Variants in FBXO32 observed in about 807,000 individuals in gnomAD.
The protein encoded by FBXO32 is F-box only protein 32.
In FBXO32, 15 loss-of-function variants were observed where a neutral mutation model predicts 48.3. That is an observed-to-expected ratio of 0.31 (90% confidence interval 0.21 to 0.48). The LOEUF (loss-of-function observed/expected upper bound fraction) is 0.48, where lower values mean the gene tolerates loss of function less well. Ranked by LOEUF, FBXO32 falls within the 20% of genes least tolerant of loss-of-function variation. The probability of loss-of-function intolerance (pLI) is 0.99; values close to 1 mark genes in which losing one functional copy is unlikely to be tolerated. For synonymous variants in FBXO32, 154 were observed against 165.9 expected (o/e 0.93, Z 0.55); for missense variants, 309 against 432.7 (o/e 0.71, Z 2.54).
intron 1 of FBXO32, among the ~76,000 whole-genome samples, chr8:123,536,457 G>T (rs891067391): frequency 1.3e-5 from 2 of 152,066 alleles, no homozygotes; most frequent in Non-Finnish European, 2.9e-5. Context: ...AGGAAAAGAG[G>T]GACAGAACAA....
At chr8:123,529,850 A>G (rs1817162479) in intron 4 of FBXO32, among the ~76,000 whole-genome samples, 1 of 152,212 alleles carries the variant, frequency 6.6e-6, no homozygotes, top group Non-Finnish European at 1.5e-5. Flanking sequence ...TTTCTTGTAA[A>G]AGGAAAAGCA....
intron 6 of FBXO32, among the ~76,000 whole-genome samples, chr8:123,509,095 C>T (rs1235600328): frequency 6.6e-6 from 1 of 152,128 alleles, no homozygotes; most frequent in Non-Finnish European, 1.5e-5. Flanking sequence ...TTCCCCAAGA[C>T]CCAGTTCTCT....
At chr8:123,518,157 AG>A (rs1252098920) in intron 4 of FBXO32, among the ~76,000 whole-genome samples, 1 of 152,212 alleles carries the variant, frequency 6.6e-6, no homozygotes, top group African/African-American at 2.4e-5. Flanking sequence ...TTTAAGAGTG[AG>A]GGCTCCAGAG....
intron 4 of FBXO32, among the ~76,000 whole-genome samples, chr8:123,522,363 C>T (rs1339176032): frequency 6.6e-6 from 1 of 151,968 alleles, no homozygotes; most frequent in Non-Finnish European, 1.5e-5. Flanking sequence ...TGCCTGCCAC[C>T]ATGTCCGGCT....
intron 1 of FBXO32, among the ~76,000 whole-genome samples, chr8:123,535,476 G>A (rs1359098043): frequency 6.6e-6 from 1 of 152,192 alleles, no homozygotes; most frequent in Non-Finnish European, 1.5e-5. Flanking sequence ...GCATCATGCT[G>A]TGAGGTGAAG....
At chr8:123,530,646 C>CG in intron 4 of FBXO32, among the ~76,000 whole-genome samples, 1 of 152,208 alleles carries the variant, frequency 6.6e-6, no homozygotes, top group Non-Finnish European at 1.5e-5. Context: ...GACAGAGTCT[C>CG]GCACTGTCGC....
chr8:123,501,926 A>G lies in FBXO32; in HGVS notation c.*1447T>C, dbSNP rs887994182. The G allele has an allele frequency of 6.6e-6, 1 of 152,094 alleles. No individual in the cohort carries two copies. The highest frequency in any genetic ancestry group is 1.5e-5 in the Non-Finnish European group (1 of 68,010). The allele number at this position is 152,094 out of a possible 1,614,324, so 9.4% of individuals were successfully genotyped here. A position where few individuals can be genotyped will look rare whatever the true frequency, so the allele number is the denominator to read the frequency against. On this transcript the variant is annotated 3_prime_UTR_variant, in exon 9 of 9. Coordinates refer to ENST00000517956, the MANE Select transcript of FBXO32 (RefSeq NM_058229.4). ...ATTCTGTAAAAAGTAAAAAACTGGG[A>G]GTAGATCCCCCATCTATTCCCAGGA... is the stretch of plus-strand genomic sequence containing the variant.
Position 123,513,046 on chromosome 8 carries a change from C to T in FBXO32, c.651+152G>A. 1.2e-6 allele frequency: 1 copy of T among 821,098 alleles called. No individual in the cohort carries two copies. The highest frequency in any genetic ancestry group is 1.8e-6 in the Non-Finnish European group (1 of 540,706). 50.9% of individuals were successfully genotyped at this position (821,098 alleles called of 1,614,324 possible). A position where few individuals can be genotyped will look rare whatever the true frequency, so the allele number is the denominator to read the frequency against. On this transcript the variant is annotated intron_variant, in intron 6 of 8. Coordinates refer to ENST00000517956, the MANE Select transcript of FBXO32 (RefSeq NM_058229.4). The surrounding 1 kb of genome is among the most constrained non-coding windows in gnomAD (Gnocchi z 4.3). ...TTCCCACTTCCCTTTATCAGGAGGT[C>T]CCCCAGCCCACCCTCAGCACCAGAA...
intron 4 of FBXO32, 45 bp downstream of exon 4, chr8:123,531,853 A>G (rs1817216116): frequency 1.2e-6 from 2 of 1,602,948 alleles, no homozygotes; most frequent in Non-Finnish European, 8.5e-7. Flanking sequence ...AGATGATTCA[A>G]CTTGGGAAAG....
chr8:123,535,826 G>GCT (rs149011780), intron 1 of FBXO32, among the ~76,000 whole-genome samples: 2 of 133,454 alleles, frequency 1.5e-5, no homozygotes, highest in African/African-American at 6.5e-5. Flanking sequence ...ATAAATTAGG[G>GCT]GTTTTTTTTT....
chr8:123,503,429 C>T lies in FBXO32; in HGVS notation c.1012G>A (p.Glu338Lys), dbSNP rs888328298. Reference protein sequence around the residue: ...TDHPCTANNPESCSVSLSPQD... With the variant: ...TDHPCTANNPKSCSVSLSPQD... ...GGTGAAAGTGAAACGGAGCAGCTCT[C>T]TGGGTTATTGGCAGTGCACGGATGG... Residue 338 changes from glutamate to lysine, a missense_variant, in exon 9 of 9, where the codon GAG (glutamate) becomes AAG (lysine). Transcript: ENST00000517956. 1.2e-6 allele frequency: 2 copies of T among 1,614,156 alleles called. No individual in the cohort carries two copies. Among genetic ancestry groups the T allele is most frequent in the Admixed American group, 1.7e-5 (1 of 60,024 alleles).
chr8:123,511,568 C>T (rs1319525226), intron 6 of FBXO32, among the ~76,000 whole-genome samples: 1 of 151,930 alleles, frequency 6.6e-6, no homozygotes, highest in African/African-American at 2.4e-5. Flanking sequence ...CTTCAACTCC[C>T]AGGTTCAAGT....
intron 4 of FBXO32, among the ~76,000 whole-genome samples, chr8:123,514,550 C>T (rs1586992623): frequency 6.6e-6 from 1 of 152,316 alleles, no homozygotes; most frequent in Middle Eastern, 3.4e-3. Context: ...TGCTTTTCTT[C>T]TTTTAAATAT....
chr8:123,530,178 T>G (rs931428969), intron 4 of FBXO32, among the ~76,000 whole-genome samples: 2 of 152,066 alleles, frequency 1.3e-5, no homozygotes, highest in African/African-American at 4.8e-5. Context: ...TCTGCTCATG[T>G]GGTCACAGGC....
chr8:123,519,802 T>A (rs1816914740), intron 4 of FBXO32, among the ~76,000 whole-genome samples: 1 of 152,016 alleles, frequency 6.6e-6, no homozygotes, highest in Non-Finnish European at 1.5e-5. Flanking sequence ...ATTTTTTAAT[T>A]TTTGAGACAG....
rs147795363 is a variant in FBXO32 at position 123,515,589 on chromosome 8, C to T, written c.373-1256G>A. ...AAAGTATGTCCCATTCCTACCAACCCCATAATTGCCAGACAAAAATAAATG... is the reference window on the plus strand; with the variant it reads ...AAAGTATGTCCCATTCCTACCAACCTCATAATTGCCAGACAAAAATAAATG... On this transcript the variant is annotated intron_variant, in intron 4 of 8. Transcript: ENST00000517956. Among the ~76,000 whole-genome samples the T allele has an allele frequency of 6.2e-3, 944 of 152,186 alleles. 12 individuals carry two copies. Among genetic ancestry groups the T allele is most frequent in the African/African-American group, 0.021 (892 of 41,542 alleles).
intron 4 of FBXO32, among the ~76,000 whole-genome samples, chr8:123,531,090 C>T (rs556490799): frequency 5.3e-5 from 8 of 150,478 alleles, no homozygotes; most frequent in African/African-American, 1.7e-4. Flanking sequence ...AGCGATTCTC[C>T]TGCCTCAGCC....
Position 123,514,247 on chromosome 8 carries a change from T to A in FBXO32, c.459A>T (p.Val153=). 1 of 1,612,324 alleles carries A rather than the reference T, an allele frequency of 6.2e-7. No individual in the cohort carries two copies. Among genetic ancestry groups the A allele is most frequent in the South Asian group, 1.1e-5 (1 of 90,556 alleles). ...KNFMNILEKV[V]LKVLEDQQNI... ...GAGTGAGAGAAGGCTCACCTTTCAG[T>A]ACCACTTTTTCCAAAATATTCATGA... Residue 153 remains valine, a synonymous_variant, in exon 5 of 9, where the codon GTA becomes GTT. Transcript: ENST00000517956.
chr8:123,518,263 C>T (rs1185944342), intron 4 of FBXO32, among the ~76,000 whole-genome samples: 1 of 152,190 alleles, frequency 6.6e-6, no homozygotes, highest in East Asian at 1.9e-4. Flanking sequence ...ATTCACATAG[C>T]ACTCATAACT....
Sources: gnomAD v4.1 joint callset for allele counts (sites outside exome capture counted in the v4.1 genomes callset) on GRCh38, gnomAD v4.1.1 for gene constraint, Gnocchi (gnomAD v3.1) non-coding constraint, MANE v1.5 for transcripts, NCBI Gene and HGNC (gene_info 2026-07-23, HGNC 2026-07-21) for gene names.